Variants in PPP2R5A observed in about 807,000 individuals in gnomAD.
PPP2R5A encodes the protein serine/threonine-protein phosphatase 2A 56 kDa regulatory subunit alpha isoform.
In PPP2R5A, 25 loss-of-function variants were observed where a neutral mutation model predicts 64.2. That is an observed-to-expected ratio of 0.39 (90% confidence interval 0.28 to 0.54). PPP2R5A has a LOEUF of 0.54. Ranked by LOEUF, PPP2R5A falls within the 20% of genes least tolerant of loss-of-function variation. The pLI is 0.67. For missense variants in PPP2R5A, 425 were observed against 576.3 expected, an observed-to-expected ratio of 0.74 and a Z score of 2.69; for synonymous variants, 198 against 201.2, an observed-to-expected ratio of 0.98 and a Z score of 0.13.
At chr1:212,312,724 T>C (rs924126672) in intron 1 of PPP2R5A, among the ~76,000 whole-genome samples, 2 of 152,238 alleles carry the variant, frequency 1.3e-5, no homozygotes, top group Non-Finnish European at 2.9e-5. Flanking sequence ...TGAATAGTTA[T>C]GTATCTCTTT....
At chr1:212,298,887 C>CA in intron 1 of PPP2R5A, among the ~76,000 whole-genome samples, 1 of 41,826 alleles carries the variant, frequency 2.4e-5, no homozygotes, top group Non-Finnish European at 4.5e-5. Context: ...GGCTGACCCC[C>CA]CACCTCCCTC....
chr1:212,351,313 T>G (rs1021876466), intron 8 of PPP2R5A, among the ~76,000 whole-genome samples: 1 of 152,274 alleles, frequency 6.6e-6, no homozygotes, highest in Admixed American at 6.5e-5. Context: ...ATTTCTAACA[T>G]AGGCCATTCC....
rs569488528 is a variant in PPP2R5A, at chr1:212,286,158, G to T, written c.48G>T (p.Ser16=). ...CGGGGGCTGCCAGCGCCGCCATCTC[G>T]GCCTCGGAGAAAGTGGACGGCTTCA... ...PPAGAASAAI[S]ASEKVDGFTR... Residue 16 remains serine, a synonymous_variant, in exon 1 of 13, where the codon TCG becomes TCT. Coordinates refer to ENST00000261461, the MANE Select transcript of PPP2R5A (RefSeq NM_006243.4). 42 of 1,589,520 alleles carry T rather than the reference G, an allele frequency of 2.6e-5. No homozygotes were observed. In the Middle Eastern group the frequency reaches 5.1e-4, roughly 19 times the overall value.
intron 7 of PPP2R5A, 55 bp from the exon 8 acceptor site, chr1:212,349,134 C>A: frequency 8.2e-7 from 1 of 1,224,192 alleles, no homozygotes; most frequent in Non-Finnish European, 1.1e-6. Flanking sequence ...TATAAAAATC[C>A]TACATTATTA....
intron 8 of PPP2R5A, among the ~76,000 whole-genome samples, chr1:212,352,527 G>A (rs1335328030): frequency 6.6e-6 from 1 of 151,952 alleles, no homozygotes; most frequent in East Asian, 1.9e-4. Flanking sequence ...GTGGCTGACG[G>A]CAGCCCTGAC....
chr1:212,347,355 A>G lies in PPP2R5A; in HGVS notation c.713A>G (p.Tyr238Cys). ...QINNIFLRFI[Y>C]ETEHFNGVAE... ...CTTTATTTTAAATTCAGGTTTATAT[A>G]TGAAACAGAACATTTCAATGGTGTT... Residue 238 changes from tyrosine to cysteine, a missense_variant, in exon 6 of 13, where the codon TAT (tyrosine) becomes TGT (cysteine). Tyr to Cys is a radical substitution (Grantham distance 194, BLOSUM62 -2). Coordinates refer to ENST00000261461, the MANE Select transcript of PPP2R5A (RefSeq NM_006243.4). The G allele has an allele frequency of 6.3e-7, 1 of 1,580,350 alleles. No individual in the cohort carries two copies. The highest frequency in any genetic ancestry group is 8.7e-7 in the Non-Finnish European group (1 of 1,153,196).
At chr1:212,286,833 A>G (rs1658513316) in intron 1 of PPP2R5A, among the ~76,000 whole-genome samples, 2 of 152,208 alleles carry the variant, frequency 1.3e-5, no homozygotes, top group Non-Finnish European at 2.9e-5. Flanking sequence ...ACAACGGTTA[A>G]GAGTTAGCTG....
rs187040834 is a variant in PPP2R5A, at chr1:212,308,660, C to T, written c.182-20475C>T. Among the ~76,000 whole-genome samples, 14 of 152,192 alleles carry T rather than the reference C, an allele frequency of 9.2e-5. No homozygotes were observed. The East Asian group carries it at 2.1e-3, about 23-fold the overall frequency. ...CTGACCTCAGGTGATCCTCCCGCCT[C>T]GGCCTCCCAAAGTGCTGGGATTACA... is the stretch of plus-strand genomic sequence containing the variant. On this transcript the variant is annotated intron_variant, in intron 1 of 12. Transcript: ENST00000261461.
At chr1:212,322,564 T>C (rs1659327239) in intron 1 of PPP2R5A, among the ~76,000 whole-genome samples, 1 of 152,130 alleles carries the variant, frequency 6.6e-6, no homozygotes, top group South Asian at 2.1e-4. Flanking sequence ...ATGTTGCATG[T>C]CTTGAACCTA....
chr1:212,286,028 T>TC lies in PPP2R5A; in HGVS notation c.-78dup. On this transcript the variant is annotated 5_prime_UTR_variant, in exon 1 of 13. Transcript: ENST00000261461. ...CAGGGGCGCGAGCACCCCGCGCCTC[T>TC]CCCCCGCCTCCTCCTGCCGTCTCCG... The TC allele has an allele frequency of 1.5e-6, 2 of 1,370,738 alleles. No homozygotes were observed. Among genetic ancestry groups the TC allele is most frequent in the Non-Finnish European group, 1.9e-6 (2 of 1,060,738 alleles). 84.9% of individuals were successfully genotyped at this position (1,370,738 alleles called of 1,614,324 possible). A position where few individuals can be genotyped will look rare whatever the true frequency, so the allele number is the denominator to read the frequency against.
intron 1 of PPP2R5A, among the ~76,000 whole-genome samples, chr1:212,286,579 A>G (rs938514053): frequency 4.6e-5 from 7 of 151,920 alleles, no homozygotes; most frequent in Admixed American, 3.9e-4. Flanking sequence ...TGCACTTCCT[A>G]TCTTGCGTCC....
At chr1:212,335,753 AGTT>A (rs1659584104) in intron 3 of PPP2R5A, among the ~76,000 whole-genome samples, 1 of 152,302 alleles carries the variant, frequency 6.6e-6, no homozygotes, top group East Asian at 1.9e-4. Context: ...TTTGTTCCAT[AGTT>A]GGTGTAAAAT....
At chr1:212,299,839 G>T (rs1361577088) in intron 1 of PPP2R5A, among the ~76,000 whole-genome samples, 3 of 150,410 alleles carry the variant, frequency 2.0e-5, no homozygotes, top group Admixed American at 1.3e-4. Context: ...TTGAGACAGG[G>T]TCTCGCTCTG....
chr1:212,322,097 A>G (rs1659310441), intron 1 of PPP2R5A, among the ~76,000 whole-genome samples: 1 of 151,214 alleles, frequency 6.6e-6, no homozygotes, highest in African/African-American at 2.4e-5. Flanking sequence ...CTGAGGCAGG[A>G]GAATCAGGCA....
intron 1 of PPP2R5A, among the ~76,000 whole-genome samples, chr1:212,328,567 T>G (rs1342323094): frequency 6.6e-6 from 1 of 152,210 alleles, no homozygotes; most frequent in Non-Finnish European, 1.5e-5. Context: ...ATTATTTAAT[T>G]ATTGGAGTAT....
At position 212,329,274 on chromosome 1, in the gene PPP2R5A, T is replaced by C. The variant is rs1423504482; in HGVS notation, c.321T>C (p.Tyr107=). The C allele has an allele frequency of 1.2e-5, 20 of 1,610,876 alleles. No homozygotes were observed. Among genetic ancestry groups the C allele is most frequent in the Non-Finnish European group, 1.6e-5 (19 of 1,179,204 alleles). The change falls in exon 2 of 13, where the codon TAT becomes TAC. Residue 107 remains tyrosine, a synonymous_variant. Transcript: ENST00000261461. The part of the protein sequence containing the change: ...KRATLNELVE[Y]VSTNRGVIVE... ...CAACACTGAATGAACTGGTTGAGTA[T>C]GTTTCAACTAATCGTGGTGTAATTG...
At chr1:212,322,218 TGGGGAGAGGGAG>T (rs1164175641) in intron 1 of PPP2R5A, among the ~76,000 whole-genome samples, 30 of 35,196 alleles carry the variant, frequency 8.5e-4, no homozygotes, top group Middle Eastern at 0.016. Flanking sequence ...AGGGAGACTG[TGGGGAGAGGGAG>T]AGGGAGAGGG....
At chr1:212,297,124 TTTTTTTTTTTTTTTGG>T (rs1658711485) in intron 1 of PPP2R5A, among the ~76,000 whole-genome samples, 1 of 15,534 alleles carries the variant, frequency 6.4e-5, no homozygotes, top group Non-Finnish European at 1.6e-4. Flanking sequence ...TTTTTTTTTT[TTTTTTTTTTTTTTTGG>T]AGACGGAGTC....
In PPP2R5A at chr1:212,286,255, A is replaced by G; in HGVS notation, c.145A>G (p.Ser49Gly). ...QGSSQFRSQG[S>G]QAELHPLPQL... ...CTCGTCGCAGTTTCGCAGCCAGGGC[A>G]GCCAGGCAGAGCTGCACCCGCTGCC... The change falls in exon 1 of 13, where the codon AGC (serine) becomes GGC (glycine). Residue 49 changes from serine (S) to glycine (G), a missense_variant. Physicochemically the swap from Ser to Gly is moderately conservative, Grantham distance 56. Coordinates refer to ENST00000261461, the MANE Select transcript of PPP2R5A (RefSeq NM_006243.4). 3 of 1,543,020 alleles carry G rather than the reference A, an allele frequency of 1.9e-6. No individual in the cohort carries two copies. Among genetic ancestry groups the G allele is most frequent in the Non-Finnish European group, 2.6e-6 (3 of 1,146,684 alleles).
Sources: gnomAD v4.1 joint callset for allele counts (sites outside exome capture counted in the v4.1 genomes callset) on GRCh38, gnomAD v4.1.1 for gene constraint, MANE v1.5 for transcripts, NCBI Gene and HGNC (gene_info 2026-07-23, HGNC 2026-07-21) for gene names.